The following LYPLA1 variants were observed in gnomAD, a reference collection of about 807,000 sequenced individuals.
LYPLA1 encodes the protein lysophospholipase 1, also known as acyl-protein thioesterase 1.
Under a neutral mutation model 34.0 loss-of-function variants are expected in LYPLA1, and 17 were observed. That is an observed-to-expected ratio of 0.50 (90% CI 0.34 to 0.75). The LOEUF is 0.75. Ranked by LOEUF, LYPLA1 falls within the 30% of genes least tolerant of loss-of-function variation. LYPLA1 has a pLI of 0.01. For synonymous variants in LYPLA1, 98 were observed against 100.8 expected, an observed-to-expected ratio of 0.97 and a Z score of 0.17; for missense variants, 203 against 288.8, an observed-to-expected ratio of 0.70 and a Z score of 2.15.
downstream of LYPLA1, among the ~76,000 whole-genome samples, chr8:54,043,420 C>T (rs536112195): frequency 1.3e-4 from 20 of 152,146 alleles, 1 homozygote; most frequent in Admixed American, 9.8e-4. Context: ...GGACTACAGG[C>T]GTGCACCACC....
At chr8:54,049,742 G>C (rs1805721314) in intron 8 of LYPLA1, among the ~76,000 whole-genome samples, 1 of 152,026 alleles carries the variant, frequency 6.6e-6, no homozygotes. Context: ...TCCCACTGAA[G>C]AACAGATTTC....
intron 2 of LYPLA1, among the ~76,000 whole-genome samples, chr8:54,088,825 ACT>A (rs1808990086): frequency 6.6e-6 from 1 of 152,158 alleles, no homozygotes; most frequent in South Asian, 2.1e-4. Flanking sequence ...GATCCTCCTG[ACT>A]CAGCCTCCCA....
At chr8:54,085,801 G>A (rs574592933) in intron 2 of LYPLA1, among the ~76,000 whole-genome samples, 4 of 113,492 alleles carry the variant, frequency 3.5e-5, no homozygotes, top group Non-Finnish European at 4.9e-5. Flanking sequence ...CGCCCCGTCC[G>A]CGAGGTGGGG....
At chr8:54,057,649 T>G (rs1806304740) in intron 5 of LYPLA1, among the ~76,000 whole-genome samples, 1 of 152,122 alleles carries the variant, frequency 6.6e-6, no homozygotes, top group South Asian at 2.1e-4. Context: ...AGAAGTATGG[T>G]TATCAGAGGC....
intron 2 of LYPLA1, among the ~76,000 whole-genome samples, chr8:54,071,608 C>T (rs1349608008): frequency 1.3e-5 from 2 of 152,098 alleles, no homozygotes; most frequent in Non-Finnish European, 2.9e-5. Flanking sequence ...AAAAAGCACA[C>T]ATTTTATTTT....
At chr8:54,073,211 C>T in intron 2 of LYPLA1, 1 of 796,110 alleles carries the variant, frequency 1.3e-6, no homozygotes, top group Non-Finnish European at 2.3e-6. Context: ...CTTGTGCCGC[C>T]CAGGGAGATA....
At chr8:54,059,540 A>G (rs979194207) in intron 5 of LYPLA1, among the ~76,000 whole-genome samples, 1 of 73,404 alleles carries the variant, frequency 1.4e-5, no homozygotes, top group African/African-American at 1.3e-4. Context: ...TCCTGACCTC[A>G]TGATCCACCC....
intron 5 of LYPLA1, among the ~76,000 whole-genome samples, chr8:54,060,379 C>T (rs1368257682): frequency 6.6e-6 from 1 of 152,178 alleles, no homozygotes; most frequent in Non-Finnish European, 1.5e-5. Context: ...CCTGCCTCAG[C>T]CTCCCAAAGT....
intron 2 of LYPLA1, among the ~76,000 whole-genome samples, chr8:54,088,188 C>T (rs1808944966): frequency 6.6e-6 from 1 of 152,178 alleles, no homozygotes; most frequent in Admixed American, 6.5e-5. Context: ...GAGCTAAGAA[C>T]ATAAAGTACA....
chr8:54,063,382 G>T lies in LYPLA1; in HGVS notation c.168-7C>A. ...TGTAACAGGCCTAACAGGCCTACAT[G>T]GAAAAGAAAAAACAACAAAATCAGA... On this transcript the variant is annotated splice_polypyrimidine_tract_variant and splice_region_variant and intron_variant, in intron 3 of 8. Coordinates refer to ENST00000316963, the MANE Select transcript of LYPLA1 (RefSeq NM_006330.4). 6.6e-7 allele frequency: 1 copy of T among 1,521,866 alleles called. No individual in the cohort carries two copies. Among genetic ancestry groups the T allele is most frequent in the African/African-American group, 1.4e-5 (1 of 71,474 alleles). 94.3% of individuals were successfully genotyped at this position (1,521,866 alleles called of 1,614,324 possible).
At chr8:54,100,791 A>G (rs1160740471) in intron 2 of LYPLA1, 117 bp downstream of exon 2, 5 of 822,770 alleles carry the variant, frequency 6.1e-6, no homozygotes, top group Non-Finnish European at 8.3e-6. Flanking sequence ...AAGATACATT[A>G]ACTGGCAATC....
At chr8:54,056,845 G>A (rs867675388) in intron 5 of LYPLA1, among the ~76,000 whole-genome samples, 15 of 152,168 alleles carry the variant, frequency 9.9e-5, no homozygotes, top group Middle Eastern at 3.4e-3. Flanking sequence ...CTCGGGAGAC[G>A]GAGGTTGCAG....
intron 7 of LYPLA1, among the ~76,000 whole-genome samples, chr8:54,051,535 C>T (rs918562872): frequency 1.3e-5 from 2 of 152,058 alleles, no homozygotes; most frequent in Non-Finnish European, 2.9e-5. Flanking sequence ...GCAACCTCTG[C>T]CTCCCAGGTT....
intron 2 of LYPLA1, chr8:54,073,666 C>G (rs144394806): frequency 2.7e-5 from 11 of 400,952 alleles, no homozygotes; most frequent in African/African-American, 2.2e-4. Context: ...AGAAAGATGA[C>G]CATTTGTTAG....
At chr8:54,089,776 A>G (rs1263425865) in intron 2 of LYPLA1, among the ~76,000 whole-genome samples, 5 of 152,048 alleles carry the variant, frequency 3.3e-5, no homozygotes, top group Non-Finnish European at 7.4e-5. Context: ...GGCACACTCT[A>G]CCATGGCTGG....
At chr8:54,064,224 G>A (rs898612642) in intron 3 of LYPLA1, among the ~76,000 whole-genome samples, 6 of 151,708 alleles carry the variant, frequency 4.0e-5, no homozygotes, top group Admixed American at 3.9e-4. Flanking sequence ...AGACCAGCCC[G>A]GCCAACATGG....
intron 2 of LYPLA1, chr8:54,073,593 G>T: frequency 1.8e-6 from 1 of 544,144 alleles, no homozygotes; most frequent in East Asian, 3.1e-5. Flanking sequence ...ATTTACAGAA[G>T]TATAATTTTA....
chr8:54,084,141 A>AATATATATATATATATATATATATAT (rs760476706), intron 2 of LYPLA1, among the ~76,000 whole-genome samples: 1 of 118,622 alleles, frequency 8.4e-6, no homozygotes, highest in African/African-American at 4.6e-5. Context: ...AAAATAAATA[A>AATATATATATATATATATATATATAT]ATATATATAT....
chr8:54,053,034 T>G (rs1006755884), intron 6 of LYPLA1: 3 of 346,142 alleles, frequency 8.7e-6, no homozygotes, highest in African/African-American at 6.2e-5. Context: ...ATTCTGAATT[T>G]ATATTTTCTC....
Sources: allele counts gnomAD v4.1 joint callset (sites outside exome capture counted in the v4.1 genomes callset), GRCh38; gene constraint gnomAD v4.1.1; transcripts MANE v1.5; gene names NCBI Gene and HGNC (gene_info 2026-07-23, HGNC 2026-07-21).